The following PIK3C2G variants were observed in gnomAD, a reference collection of about 807,000 sequenced individuals.
PIK3C2G encodes the protein phosphatidylinositol 3-kinase C2 domain-containing subunit gamma.
PIK3C2G carries 168 observed loss-of-function variants against 181.1 expected under a neutral mutation model. The ratio of observed to expected loss-of-function variants is 0.93; its 90% confidence interval spans 0.82 to 1.05. The LOEUF (loss-of-function observed/expected upper bound fraction) is 1.05. Ranked by LOEUF, PIK3C2G falls within the 50% of genes least tolerant of loss-of-function variation. The probability of loss-of-function intolerance (pLI) is 0.00; values close to 1 mark genes in which losing one functional copy is unlikely to be tolerated. For synonymous variants in PIK3C2G, 573 were observed against 592.2 expected, an observed-to-expected ratio of 0.97 and a Z score of 0.47; for missense variants, 1,869 against 1,732.8, an observed-to-expected ratio of 1.08 and a Z score of -1.40.
Position 18,503,422 on chromosome 12 carries a change from G to A in PIK3C2G, c.3153+5G>A, listed in dbSNP as rs1377600879. The stretch of plus-strand genomic sequence containing the variant: ...TTAAAGGCAGATTATGAAAAGGTTT[G>A]TCCTGTTGCAGATCATTTTAAATAA... On this transcript the variant is annotated splice_donor_5th_base_variant and intron_variant, in intron 23 of 32. Coordinates refer to ENST00000538779, the MANE Select transcript of PIK3C2G (RefSeq NM_001288772.2). 6.3e-7 allele frequency: 1 copy of A among 1,589,266 alleles called. No individual in the cohort carries two copies. Among genetic ancestry groups the A allele is most frequent in the Non-Finnish European group, 8.6e-7 (1 of 1,167,032 alleles).
At chr12:18,310,748 C>T (rs989709707) in intron 5 of PIK3C2G, among the ~76,000 whole-genome samples, 2 of 151,248 alleles carry the variant, frequency 1.3e-5, no homozygotes, top group African/African-American at 2.4e-5. Context: ...ATAAACCCAA[C>T]AAATGAAAGG....
At chr12:18,622,631 T>C (rs140627137) in intron 31 of PIK3C2G, among the ~76,000 whole-genome samples, 5 of 152,042 alleles carry the variant, frequency 3.3e-5, no homozygotes, top group African/African-American at 1.2e-4. Flanking sequence ...GGAACTTCCA[T>C]ACTGTTTTTA....
At chr12:18,537,607 G>A (rs1050859203) in intron 24 of PIK3C2G, among the ~76,000 whole-genome samples, 2 of 152,058 alleles carry the variant, frequency 1.3e-5, no homozygotes, top group East Asian at 1.9e-4. Context: ...TCTGACCAGC[G>A]TTTTTACTGG....
At chr12:18,702,415 G>C in the PIK3C2G span, among the ~76,000 whole-genome samples, 2 of 151,998 alleles carry the variant, frequency 1.3e-5, no homozygotes, top group African/African-American at 4.8e-5. Flanking sequence ...CTGCCCTTAG[G>C]ATAATTTCTT....
the PIK3C2G span, among the ~76,000 whole-genome samples, chr12:18,703,217 G>A: frequency 0.035 from 5,383 of 152,120 alleles, 131 homozygotes; most frequent in East Asian, 0.083. Flanking sequence ...TTGAGTCTGT[G>A]GGCATTCTTA....
chr12:18,609,268 G>A (rs998659687), intron 30 of PIK3C2G, among the ~76,000 whole-genome samples: 4 of 151,964 alleles, frequency 2.6e-5, no homozygotes, highest in Non-Finnish European at 4.4e-5. Flanking sequence ...TGGCACTGAG[G>A]TTTTAAGCTT....
At chr12:18,616,225 T>G (rs1246290437) in intron 31 of PIK3C2G, among the ~76,000 whole-genome samples, 1 of 152,100 alleles carries the variant, frequency 6.6e-6, no homozygotes, top group Non-Finnish European at 1.5e-5. Flanking sequence ...TTATCTTAAT[T>G]TATCCTGCAG....
At chr12:18,540,134 T>C (rs978207783) in intron 25 of PIK3C2G, among the ~76,000 whole-genome samples, 1 of 151,812 alleles carries the variant, frequency 6.6e-6, no homozygotes, top group African/African-American at 2.4e-5. Context: ...CATGAGCTCT[T>C]GAGTGTTTAC....
At chr12:18,392,433 A>AGTAAC (rs1943594116) in intron 15 of PIK3C2G, among the ~76,000 whole-genome samples, 1 of 152,100 alleles carries the variant, frequency 6.6e-6, no homozygotes, top group South Asian at 2.1e-4. Flanking sequence ...ACTTCAAGCC[A>AGTAAC]GTAACATCAA....
chr12:18,443,993 G>A (rs1344071755), intron 18 of PIK3C2G, among the ~76,000 whole-genome samples: 6 of 83,750 alleles, frequency 7.2e-5, no homozygotes, highest in African/African-American at 2.9e-4. Flanking sequence ...TCATGCTCTC[G>A]TGTATTGAGT....
At chr12:18,394,716 G>T (rs1236815739) in intron 15 of PIK3C2G, among the ~76,000 whole-genome samples, 4 of 151,894 alleles carry the variant, frequency 2.6e-5, no homozygotes, top group Non-Finnish European at 5.9e-5. Flanking sequence ...AGAACGGTGA[G>T]CTTGAAGACA....
intron 24 of PIK3C2G, among the ~76,000 whole-genome samples, chr12:18,514,931 TGA>T (rs1277337432): frequency 6.6e-6 from 1 of 152,008 alleles, no homozygotes; most frequent in Non-Finnish European, 1.5e-5. Context: ...CCTAATTTGT[TGA>T]GAGTTTTTAT....
chr12:18,281,893 C>CT, intron 1 of PIK3C2G, 111 bp from the exon 2 acceptor site: 1 of 542,714 alleles, frequency 1.8e-6, no homozygotes, highest in Non-Finnish European at 3.3e-6. Flanking sequence ...ATTTCACTTG[C>CT]TAAAAAAAAG....
intron 12 of PIK3C2G, among the ~76,000 whole-genome samples, chr12:18,367,000 A>G (rs953971232): frequency 6.6e-6 from 1 of 152,188 alleles, no homozygotes; most frequent in African/African-American, 2.4e-5. Flanking sequence ...GGCAGTAACT[A>G]TCCACTGTAA....
At chr12:18,475,133 C>T (rs185393232) in intron 18 of PIK3C2G, among the ~76,000 whole-genome samples, 14 of 151,926 alleles carry the variant, frequency 9.2e-5, no homozygotes, top group African/African-American at 2.9e-4. Context: ...TAAAAGCCAC[C>T]GATAGATTAT....
chr12:18,597,852 T>C (rs61914434), intron 30 of PIK3C2G, among the ~76,000 whole-genome samples: 5 of 151,814 alleles, frequency 3.3e-5, no homozygotes, highest in East Asian at 3.9e-4. Flanking sequence ...TATACACCAA[T>C]AACAGACAAA....
the PIK3C2G span, chr12:18,713,047 T>A: frequency 6.3e-7 from 1 of 1,583,208 alleles, no homozygotes; most frequent in South Asian, 1.1e-5. Context: ...TATACCAAAG[T>A]ATTAAAATAT....
Position 18,563,410 on chromosome 12 carries a change from G to A in PIK3C2G, c.3814G>A (p.Glu1272Lys), listed in dbSNP as rs778895247. The A allele has an allele frequency of 7.3e-5, 117 of 1,613,082 alleles. No individual in the cohort carries two copies. The highest frequency in any genetic ancestry group is 9.6e-5 in the Non-Finnish European group (113 of 1,179,488). Residue 1272 changes from glutamate (E) to lysine (K), a missense_variant, in exon 28 of 33, where the codon GAA (glutamate) becomes AAA (lysine). Transcript: ENST00000538779. The stretch of plus-strand genomic sequence containing the variant: ...GATCCAGGTGACACACAGCAACAAC[G>A]AAACAAGCCTGACAGAAAAATCATT... ...YLIQVTHSNN[E>K]TSLTEKSFEQ...
upstream of PIK3C2G, among the ~76,000 whole-genome samples, chr12:18,245,778 T>A (rs1948033451): frequency 6.6e-6 from 1 of 152,138 alleles, no homozygotes; most frequent in Non-Finnish European, 1.5e-5. Context: ...TACAAATCAC[T>A]CTCATGCTAA....
Sources: allele counts gnomAD v4.1 joint callset (sites outside exome capture counted in the v4.1 genomes callset), GRCh38; gene constraint gnomAD v4.1.1; transcripts MANE v1.5; gene names NCBI Gene and HGNC (gene_info 2026-07-23, HGNC 2026-07-21).